Variants in CRLF3 observed in about 807,000 individuals in gnomAD.
The protein encoded by CRLF3 is cytokine receptor like factor 3, also known as cytokine receptor-like factor 3.
A neutral mutation model predicts 55.0 loss-of-function variants in CRLF3; 33 were observed. The observed-to-expected ratio is 0.60, with a 90% confidence interval of 0.46 to 0.80. The LOEUF (loss-of-function observed/expected upper bound fraction) is 0.80. Among genes scored for constraint, CRLF3 ranks in the 30% least tolerant of loss-of-function variants. The pLI, the probability that CRLF3 is intolerant of heterozygous loss-of-function variation, is 0.00. For synonymous variants in CRLF3, 238 were observed against 196.8 expected, an observed-to-expected ratio of 1.21 and a Z score of -1.75; for missense variants, 494 against 538.4, an observed-to-expected ratio of 0.92 and a Z score of 0.82.
chr17:30,797,436 G>T (rs1449019203), intron 2 of CRLF3, 38 bp from the exon 3 acceptor site: 5 of 1,524,348 alleles, frequency 3.3e-6, no homozygotes, highest in Non-Finnish European at 3.6e-6. Context: ...CAATGAAAAT[G>T]GTCACATATA....
intron 1 of CRLF3, among the ~76,000 whole-genome samples, chr17:30,815,824 G>A (rs1414172030): frequency 1.3e-5 from 2 of 151,376 alleles, no homozygotes; most frequent in Non-Finnish European, 2.9e-5. Flanking sequence ...GATTACAGGT[G>A]TGAGCCACTG....
At chr17:30,789,541 AAAG>A (rs1451973567) in intron 6 of CRLF3, among the ~76,000 whole-genome samples, 5 of 152,198 alleles carry the variant, frequency 3.3e-5, no homozygotes, top group African/African-American at 9.6e-5. Flanking sequence ...CTCCCATGAA[AAAG>A]AAGCAATACA....
chr17:30,824,173 T>G (rs995528322), intron 1 of CRLF3, among the ~76,000 whole-genome samples: 1 of 151,698 alleles, frequency 6.6e-6, no homozygotes, highest in Non-Finnish European at 1.5e-5. Flanking sequence ...ACCGCAGGTT[T>G]TTTACCAGTC....
chr17:30,812,610 T>C (rs1192261349), intron 1 of CRLF3, among the ~76,000 whole-genome samples: 2 of 152,166 alleles, frequency 1.3e-5, no homozygotes, highest in Non-Finnish European at 2.9e-5. Context: ...TCTGTTACAG[T>C]AGTGGCCCCC....
intron 6 of CRLF3, among the ~76,000 whole-genome samples, chr17:30,787,161 A>G (rs1241683280): frequency 6.6e-6 from 1 of 152,176 alleles, no homozygotes; most frequent in African/African-American, 2.4e-5. Flanking sequence ...AACCATTTGT[A>G]GCCATGATGG....
intron 6 of CRLF3, among the ~76,000 whole-genome samples, chr17:30,791,876 C>T (rs564791545): frequency 2.8e-4 from 41 of 148,712 alleles, no homozygotes; most frequent in African/African-American, 9.4e-4. Flanking sequence ...GACACAGTTT[C>T]GCTCTTGTTG....
chr17:30,811,366 A>T lies in CRLF3; in HGVS notation c.130-7258T>A, dbSNP rs192546512. Among the ~76,000 whole-genome samples the T allele has an allele frequency of 8.7e-3, 1,316 of 152,066 alleles. 20 individuals are homozygous for T. Among genetic ancestry groups the T allele is most frequent in the African/African-American group, 0.03 (1,239 of 41,488 alleles). ...GCTACTCGGAGGCTGAGGCAGGAGA[A>T]TCATTTGAGCTCAGGAGGTGGAGGT... On this transcript the variant is annotated intron_variant, in intron 1 of 7. Coordinates refer to ENST00000324238, the MANE Select transcript of CRLF3 (RefSeq NM_015986.4).
intron 1 of CRLF3, among the ~76,000 whole-genome samples, chr17:30,816,038 C>T (rs1904791434): frequency 6.8e-6 from 1 of 146,590 alleles, no homozygotes; most frequent in South Asian, 2.2e-4. Context: ...AATCCCAACA[C>T]TCTGGGAGGC....
intron 5 of CRLF3, among the ~76,000 whole-genome samples, chr17:30,793,166 TAAA>T (rs963463129): frequency 3.3e-5 from 5 of 151,250 alleles, no homozygotes; most frequent in African/African-American, 1.2e-4. Flanking sequence ...CATTCAAATA[TAAA>T]AAAAAGAATA....
intron 4 of CRLF3, 77 bp downstream of exon 4, chr17:30,796,083 C>T: frequency 9.8e-7 from 1 of 1,018,836 alleles, no homozygotes; most frequent in Non-Finnish European, 1.4e-6. Context: ...TAAAAGTAGT[C>T]AACGAAAAAA....
Position 30,784,345 on chromosome 17 carries a change from T to C in CRLF3, c.1171A>G (p.Thr391Ala). 1 of 1,614,020 alleles carries C rather than the reference T, an allele frequency of 6.2e-7. No individual in the cohort carries two copies. Among genetic ancestry groups the C allele is most frequent in the Non-Finnish European group, 8.5e-7 (1 of 1,179,916 alleles). Residue 391 changes from threonine to alanine, a missense_variant, in exon 8 of 8, where the codon ACC becomes GCC. By Grantham distance (58) the Thr-to-Ala change is moderately conservative (BLOSUM62 0). Coordinates refer to ENST00000324238, the MANE Select transcript of CRLF3 (RefSeq NM_015986.4). ...TGTCCACCTTCATTATTACTGGTGG[T>C]TCCTAGAGTCACGGCTTCAATGTCA... ...TFDIEAVTLG[T>A]TSNNEGGHFK...
intron 4 of CRLF3, 56 bp downstream of exon 4, chr17:30,796,104 C>T: frequency 2.3e-6 from 3 of 1,308,978 alleles, no homozygotes; most frequent in Non-Finnish European, 3.1e-6. Context: ...TCTGAAAGGC[C>T]TCCAAATCGC....
At chr17:30,794,323 C>T (rs1971870521) in intron 4 of CRLF3, among the ~76,000 whole-genome samples, 1 of 152,032 alleles carries the variant, frequency 6.6e-6, no homozygotes, top group African/African-American at 2.4e-5. Flanking sequence ...GTATACAGAA[C>T]CCCCATTAAT....
At chr17:30,815,507 C>G (rs1349046030) in intron 1 of CRLF3, among the ~76,000 whole-genome samples, 1 of 150,242 alleles carries the variant, frequency 6.7e-6, no homozygotes, top group Non-Finnish European at 1.5e-5. Context: ...CAGGAGTAAA[C>G]CACCCTGCCC....
intron 1 of CRLF3, 63 bp from the exon 2 acceptor site, chr17:30,804,171 A>G: frequency 8.8e-7 from 1 of 1,142,716 alleles, no homozygotes; most frequent in South Asian, 1.3e-5. Flanking sequence ...CCAAAGGTAT[A>G]ATTCACATGA....
chr17:30,794,488 T>C (rs896082668), intron 4 of CRLF3, among the ~76,000 whole-genome samples: 8 of 152,196 alleles, frequency 5.3e-5, no homozygotes, highest in Non-Finnish European at 7.3e-5. Context: ...ATTTGTAATA[T>C]GGCAAATACG....
rs1468342125 is a variant in CRLF3, at chr17:30,804,067, C to T, written c.171G>A (p.Gln57=). 4.3e-6 allele frequency: 7 copies of T among 1,613,768 alleles called. No homozygotes were observed. In the Admixed American group the frequency reaches 6.7e-5, roughly 15 times the overall value. Residue 57 remains glutamine, a synonymous_variant, in exon 2 of 8, where the codon CAG becomes CAA. Transcript: ENST00000324238. ...GGGTTCCCTTTAAATCATTAAAATG[C>T]TGTTTGAGAACATCCCTTGTCTGTG... is the stretch of plus-strand genomic sequence containing the variant. ...SASQTRDVLK[Q]HFNDLKGTLG... is the part of the protein sequence containing the mutation.
intron 1 of CRLF3, among the ~76,000 whole-genome samples, chr17:30,815,361 C>T (rs1904763558): frequency 6.6e-6 from 1 of 151,268 alleles, no homozygotes; most frequent in Non-Finnish European, 1.5e-5. Context: ...GCTGGGATTA[C>T]AGGTGTGAGC....
At chr17:30,787,535 C>CCAAAAAA (rs1971676245) in intron 6 of CRLF3, 1 of 140,302 alleles carries the variant, frequency 7.1e-6, no homozygotes, top group Non-Finnish European at 1.6e-5. Flanking sequence ...TTTGCAAGGA[C>CCAAAAAA]AAAAAAAAAA....
Sources: gnomAD v4.1 joint callset for allele counts (sites outside exome capture counted in the v4.1 genomes callset) on GRCh38, gnomAD v4.1.1 for gene constraint, MANE v1.5 for transcripts, NCBI Gene and HGNC (gene_info 2026-07-23, HGNC 2026-07-21) for gene names.